TMEM209: variants seen among roughly 807,000 people sequenced by gnomAD.
The protein encoded by TMEM209 is transmembrane protein 209, also known as testicular tissue protein Li 202.
Under a neutral mutation model 76.2 loss-of-function variants are expected in TMEM209, and 65 were observed. The ratio of observed to expected loss-of-function variants is 0.85; its 90% confidence interval spans 0.70 to 1.05. The LOEUF (loss-of-function observed/expected upper bound fraction) is 1.05, where lower values mean the gene tolerates loss of function less well. TMEM209 is among the 50% of genes least tolerant of loss of function. The pLI is 0.00. For missense variants in TMEM209, 623 were observed against 685.5 expected, an observed-to-expected ratio of 0.91 and a Z score of 1.02; for synonymous variants, 239 against 237.6, an observed-to-expected ratio of 1.01 and a Z score of -0.06.
intron 6 of TMEM209, among the ~76,000 whole-genome samples, chr7:130,190,574 T>TA (rs5887464): frequency 0.097 from 12,844 of 131,750 alleles, 694 homozygotes; most frequent in African/African-American, 0.17. Context: ...TGTATTACAG[T>TA]AAAAAAAAAA....
At chr7:130,185,535 T>C (rs79506079) in intron 6 of TMEM209, among the ~76,000 whole-genome samples, 168 bp from the exon 7 acceptor site, 103 of 152,336 alleles carry the variant, frequency 6.8e-4, no homozygotes, top group Non-Finnish European at 9.7e-4. Context: ...CTGCTTGTGA[T>C]TAAAAATTTT....
chr7:130,174,850 G>C (rs1000689896), intron 11 of TMEM209, among the ~76,000 whole-genome samples: 3 of 152,072 alleles, frequency 2.0e-5, no homozygotes, highest in Non-Finnish European at 4.4e-5. Flanking sequence ...TAGGAGAATA[G>C]TTAAATGACA....
intron 14 of TMEM209, among the ~76,000 whole-genome samples, chr7:130,168,385 G>A (rs1391273752): frequency 1.3e-5 from 2 of 152,060 alleles, no homozygotes; most frequent in Non-Finnish European, 2.9e-5. Context: ...AGTAATTATT[G>A]CAAATATTCC....
intron 9 of TMEM209, among the ~76,000 whole-genome samples, chr7:130,180,665 G>A (rs1170544573): frequency 1.3e-5 from 2 of 151,976 alleles, no homozygotes; most frequent in Admixed American, 6.6e-5. Flanking sequence ...CACCGCGCCC[G>A]GCCAAAAAAG....
chr7:130,184,619 A>G (rs938826094), intron 7 of TMEM209, among the ~76,000 whole-genome samples: 2 of 151,772 alleles, frequency 1.3e-5, no homozygotes, highest in Admixed American at 1.3e-4. Context: ...CAGCCTCCTG[A>G]GTAGCTGGGA....
At chr7:130,166,672 T>G (rs1166076795) in intron 14 of TMEM209, among the ~76,000 whole-genome samples, 167 bp from the exon 15 acceptor site, 1 of 152,214 alleles carries the variant, frequency 6.6e-6, no homozygotes, top group Admixed American at 6.5e-5. Flanking sequence ...GTAACAGTAA[T>G]TACTTTCTTA....
At position 130,166,094 on chromosome 7, in the gene TMEM209, G is replaced by T; in HGVS notation, c.*357C>A. On this transcript the variant is annotated 3_prime_UTR_variant, in exon 15 of 15. Transcript: ENST00000397622. ...TGAAAAAAATTTTTTTTTGGTACAA[G>T]AATCAGGTAGATGATTCTCATTTGG... The T allele has an allele frequency of 6.2e-6, 1 of 161,760 alleles. No individual in the cohort carries two copies. The highest frequency in any genetic ancestry group is 1.3e-5 in the Non-Finnish European group (1 of 75,134). The allele number at this position is 161,760 out of a possible 1,614,324, so 10.0% of individuals were successfully genotyped here.
chr7:130,187,319 G>A (rs1341952356), intron 6 of TMEM209, among the ~76,000 whole-genome samples: 3 of 150,642 alleles, frequency 2.0e-5, no homozygotes, highest in Non-Finnish European at 4.4e-5. Context: ...AAAAAAGTAA[G>A]GCTATGAATA....
At chr7:130,173,994 G>T (rs1797159000) in intron 11 of TMEM209, 55 bp from the exon 12 acceptor site, 3 of 1,202,786 alleles carry the variant, frequency 2.5e-6, no homozygotes, top group Non-Finnish European at 3.7e-6. Flanking sequence ...TAGCATGGAT[G>T]TAGAACCCTT....
At chr7:130,187,661 AAAAAAG>A (rs1276388336) in intron 6 of TMEM209, among the ~76,000 whole-genome samples, 1 of 152,014 alleles carries the variant, frequency 6.6e-6, no homozygotes, top group South Asian at 2.1e-4. Context: ...TAAAAAAAAA[AAAAAAG>A]AAAAACAACA....
chr7:130,202,152 A>G, intron 4 of TMEM209, 61 bp from the exon 5 acceptor site: 1 of 1,527,450 alleles, frequency 6.5e-7, no homozygotes, highest in Non-Finnish European at 8.8e-7. Context: ...ATACGAAAAT[A>G]TATTTAAGCA....
Position 130,164,906 on chromosome 7 carries a change from C to T in TMEM209, c.*1545G>A, listed in dbSNP as rs538507729. 6.6e-6 allele frequency: 1 copy of T among 152,170 alleles called. No homozygotes were observed. The highest frequency in any genetic ancestry group is 2.4e-5 in the African/African-American group (1 of 41,524). 9.4% of individuals were successfully genotyped at this position (152,170 alleles called of 1,614,324 possible). ...ATAGCAAATAAATATTCAACATACA[C>T]CAAAAGTACTTAAAAGAAGCTCCTT... is the stretch of plus-strand genomic sequence containing the variant. On this transcript the variant is annotated 3_prime_UTR_variant, in exon 15 of 15. Coordinates refer to ENST00000397622, the MANE Select transcript of TMEM209 (RefSeq NM_032842.4).
intron 13 of TMEM209, among the ~76,000 whole-genome samples, chr7:130,171,845 C>T (rs62491971): frequency 6.6e-6 from 1 of 151,970 alleles, no homozygotes; most frequent in Non-Finnish European, 1.5e-5. Flanking sequence ...CTGGCTAACA[C>T]AGTAAAACCC....
intron 12 of TMEM209, 33 bp from the exon 13 acceptor site, chr7:130,173,762 A>T: frequency 1.2e-6 from 2 of 1,609,388 alleles, no homozygotes; most frequent in South Asian, 2.2e-5. Flanking sequence ...GCATTAAAAA[A>T]CCAAACCCCC....
At chr7:130,166,546 A>G (rs1297677867) in intron 14 of TMEM209, 41 bp from the exon 15 acceptor site, 1 of 1,368,346 alleles carries the variant, frequency 7.3e-7, no homozygotes. Context: ...TTGGTTGCCA[A>G]GCATTTAAGG....
At chr7:130,190,338 G>A (rs1423735938) in intron 6 of TMEM209, among the ~76,000 whole-genome samples, 1 of 151,286 alleles carries the variant, frequency 6.6e-6, no homozygotes, top group Non-Finnish European at 1.5e-5. Flanking sequence ...GCCAACAAGG[G>A]GAAACCCTGT....
At chr7:130,168,466 A>G (rs1219387151) in intron 14 of TMEM209, among the ~76,000 whole-genome samples, 1 of 152,210 alleles carries the variant, frequency 6.6e-6, no homozygotes, top group Non-Finnish European at 1.5e-5. Context: ...CTTGACCTGT[A>G]TTAACAACAT....
chr7:130,188,398 C>T (rs1250487593), intron 6 of TMEM209, among the ~76,000 whole-genome samples: 2 of 151,974 alleles, frequency 1.3e-5, no homozygotes, highest in Non-Finnish European at 2.9e-5. Flanking sequence ...AGATCGAGAC[C>T]ATCCTGGCTA....
At position 130,175,577 on chromosome 7, in the gene TMEM209, G is replaced by A; in HGVS notation, c.1279C>T (p.Arg427Ter). The change falls in exon 11 of 15, where the codon CGA becomes TGA. Residue 427 changes from arginine to a stop codon, truncating the protein, a stop_gained. Coordinates refer to ENST00000397622, the MANE Select transcript of TMEM209 (RefSeq NM_032842.4). LOFTEE classifies it high-confidence loss of function. ...TTGAAGTCGCCACCTCTGTTCCATCGAAATGAGCTCATACAACCTCCCTGA... is the reference window on the plus strand; with the variant it reads ...TTGAAGTCGCCACCTCTGTTCCATCAAAATGAGCTCATACAACCTCCCTGA... ...LSQGGCMSSFRWNRGGDFKGR... is the reference protein window; with the variant it reads ...LSQGGCMSSF 2 of 1,612,944 alleles carry A rather than the reference G, an allele frequency of 1.2e-6. No individual in the cohort carries two copies. Among genetic ancestry groups the A allele is most frequent in the Non-Finnish European group, 1.7e-6 (2 of 1,179,602 alleles).
Sources: gnomAD v4.1 joint callset for allele counts (sites outside exome capture counted in the v4.1 genomes callset) on GRCh38, gnomAD v4.1.1 for gene constraint, MANE v1.5 for transcripts, NCBI Gene and HGNC (gene_info 2026-07-23, HGNC 2026-07-21) for gene names.